PCDHA10: variants seen among roughly 807,000 people sequenced by gnomAD.
PCDHA10 encodes the protein protocadherin alpha-10.
In PCDHA10, 45 loss-of-function variants were observed where a neutral mutation model predicts 61.2. The observed-to-expected ratio is 0.74, with a 90% CI of 0.58 to 0.94. The LOEUF is 0.94. PCDHA10 is among the 40% of genes least tolerant of loss of function. The pLI is 0.00. For synonymous variants in PCDHA10, 602 were observed against 548.8 expected, an observed-to-expected ratio of 1.10 and a Z score of -1.35; for missense variants, 1,278 against 1,236.2, an observed-to-expected ratio of 1.03 and a Z score of -0.51.
chr5:140,932,199 A>C (rs1314795858), intron 1 of PCDHA10, among the ~76,000 whole-genome samples: 2 of 151,894 alleles, frequency 1.3e-5, no homozygotes, highest in African/African-American at 4.8e-5. Context: ...TTTTTCTGTT[A>C]ATATTCTTGA....
intron 3 of PCDHA10, among the ~76,000 whole-genome samples, chr5:140,987,130 C>G (rs1220504537): frequency 6.6e-6 from 1 of 151,648 alleles, no homozygotes; most frequent in East Asian, 1.9e-4. Context: ...AGGAGAATTG[C>G]TTGAACTCGG....
chr5:140,980,252 A>C (rs993133768), intron 2 of PCDHA10, among the ~76,000 whole-genome samples: 6 of 152,188 alleles, frequency 3.9e-5, no homozygotes, highest in African/African-American at 1.4e-4. Context: ...CAATGGGTAA[A>C]AGCATGGTTT....
At chr5:140,926,899 G>T (rs1554203765) in intron 1 of PCDHA10, 28 of 1,552,028 alleles carry the variant, frequency 1.8e-5, no homozygotes, top group Non-Finnish European at 2.4e-5. Context: ...GAGGATGGTG[G>T]GCTGTGGGGT....
At chr5:140,882,481 C>A in intron 1 of PCDHA10, 1 of 1,614,038 alleles carries the variant, frequency 6.2e-7, no homozygotes, top group Non-Finnish European at 8.5e-7. Flanking sequence ...CCAAAAGACA[C>A]GGGGACCTTC....
intron 1 of PCDHA10, among the ~76,000 whole-genome samples, chr5:140,925,482 A>G (rs1238702660): frequency 2.0e-5 from 3 of 152,088 alleles, no homozygotes; most frequent in Admixed American, 6.6e-5. Flanking sequence ...TTCTCATAGA[A>G]CTGATCACTG....
chr5:140,982,331 G>A lies in PCDHA10; in HGVS notation c.2448-144G>A, dbSNP rs1422921231. On this transcript the variant is annotated intron_variant, in intron 2 of 3. Coordinates refer to ENST00000307360, the MANE Select transcript of PCDHA10 (RefSeq NM_018901.4). ...GCAGTTTATGCAGGGTGACTGCTCA[G>A]CAGTAATTGCTTCAGTTCAAGCATG... The A allele has an allele frequency of 6.3e-6, 9 of 1,431,750 alleles. No individual in the cohort carries two copies. In the Admixed American group the frequency reaches 1.6e-4, roughly 26 times the overall value. 88.7% of individuals were successfully genotyped at this position (1,431,750 alleles called of 1,614,324 possible).
chr5:140,865,536 A>G (rs2048910301), intron 1 of PCDHA10: 1 of 152,222 alleles, frequency 6.6e-6, no homozygotes, highest in African/African-American at 2.4e-5. Flanking sequence ...CTTCATCCAT[A>G]GCTATAGGAC....
chr5:140,899,550 A>C (rs932403675), intron 1 of PCDHA10, among the ~76,000 whole-genome samples: 1 of 152,176 alleles, frequency 6.6e-6, no homozygotes, highest in Admixed American at 6.5e-5. Flanking sequence ...ATGGTGGATA[A>C]GCTTTTTGAT....
intron 1 of PCDHA10, chr5:140,859,465 T>A: frequency 4.7e-6 from 1 of 214,084 alleles, no homozygotes; most frequent in Non-Finnish European, 9.1e-6. Flanking sequence ...AAAACTACAC[T>A]ATCAATTGTG....
intron 1 of PCDHA10, among the ~76,000 whole-genome samples, chr5:140,975,516 G>A (rs1310855349): frequency 6.6e-6 from 1 of 152,284 alleles, no homozygotes; most frequent in South Asian, 2.1e-4. Flanking sequence ...TGCAAAATCT[G>A]CAGTGGATAT....
chr5:140,877,260 G>A (rs1329010026), intron 1 of PCDHA10: 3 of 1,613,766 alleles, frequency 1.9e-6, no homozygotes, highest in African/African-American at 2.7e-5. Context: ...AAGTGCGCGC[G>A]GTGGACGCTG....
chr5:140,995,905 G>C (rs1346539389), intron 3 of PCDHA10, among the ~76,000 whole-genome samples: 1 of 152,186 alleles, frequency 6.6e-6, no homozygotes, highest in Non-Finnish European at 1.5e-5. Flanking sequence ...GTATAAAAGA[G>C]GAGAGACCAT....
chr5:141,003,252 TGGGCAGTGCCTAA>T (rs2098117217), intron 3 of PCDHA10, among the ~76,000 whole-genome samples: 1 of 152,236 alleles, frequency 6.6e-6, no homozygotes, highest in South Asian at 2.1e-4. Context: ...AAAAGATTCC[TGGGCAGTGCCTAA>T]GGGAAGTGCC....
rs2153793513 is a variant in PCDHA10, at chr5:140,972,346, C to T, written c.2389-6603C>T. Among the ~76,000 whole-genome samples, 6 of 151,468 alleles carry T rather than the reference C, an allele frequency of 4.0e-5. No homozygotes were observed. In the Middle Eastern group the frequency reaches 0.014, roughly 346 times the overall value. The stretch of plus-strand genomic sequence containing the variant: ...TTTTTTTTGGAAGAGATGGGGGTCT[C>T]ACTATGTTGCACATGCTGTTAGTAT... On this transcript the variant is annotated intron_variant, in intron 1 of 3. Transcript: ENST00000307360.
At chr5:140,867,294 T>C (rs987236296) in intron 1 of PCDHA10, 3 of 152,152 alleles carry the variant, frequency 2.0e-5, no homozygotes, top group African/African-American at 7.2e-5. Flanking sequence ...TCAAATATCA[T>C]GTTGAATATA....
At chr5:140,998,591 T>A (rs2097823979) in intron 3 of PCDHA10, among the ~76,000 whole-genome samples, 1 of 150,884 alleles carries the variant, frequency 6.6e-6, no homozygotes, top group Non-Finnish European at 1.5e-5. Context: ...TGAGACAGAG[T>A]TTTGCTCTTG....
chr5:140,926,629 G>A, intron 1 of PCDHA10: 1 of 406,364 alleles, frequency 2.5e-6, no homozygotes, highest in African/African-American at 2.1e-5. Context: ...GCGGCGCTGC[G>A]CTCCTCAACA....
chr5:140,920,116 C>A (rs376109883), intron 1 of PCDHA10, among the ~76,000 whole-genome samples: 72 of 152,304 alleles, frequency 4.7e-4, no homozygotes, highest in African/African-American at 1.6e-3. Context: ...ACCTTGCCAA[C>A]ATCTTGAGTT....
chr5:140,913,898 CTTTT>C (rs1351691139), intron 1 of PCDHA10, among the ~76,000 whole-genome samples: 2 of 152,020 alleles, frequency 1.3e-5, no homozygotes, highest in African/African-American at 4.8e-5. Flanking sequence ...CAAAATTCCC[CTTTT>C]TTATTTCTAA....
Sources: gnomAD v4.1 joint callset for allele counts (sites outside exome capture counted in the v4.1 genomes callset) on GRCh38, gnomAD v4.1.1 for gene constraint, MANE v1.5 for transcripts, NCBI Gene and HGNC (gene_info 2026-07-23, HGNC 2026-07-21) for gene names.